The following MARCHF4 variants were observed in gnomAD, a reference collection of about 807,000 sequenced individuals.
The protein encoded by MARCHF4 is E3 ubiquitin-protein ligase MARCHF4.
A neutral mutation model predicts 43.9 loss-of-function variants in MARCHF4; 14 were observed. The ratio of observed to expected loss-of-function variants is 0.32; its 90% confidence interval spans 0.21 to 0.50. MARCHF4 has a LOEUF of 0.50. Among genes scored for constraint, MARCHF4 ranks in the 20% least tolerant of loss-of-function variants. The pLI, the probability that MARCHF4 is intolerant of heterozygous loss-of-function variation, is 0.98. For missense variants in MARCHF4, 468 were observed against 536.7 expected (o/e 0.87, Z 1.27); for synonymous variants, 226 against 213.3 (o/e 1.06, Z -0.52).
chr2:216,335,321 A>C (rs1692140716), intron 1 of MARCHF4, among the ~76,000 whole-genome samples: 1 of 152,216 alleles, frequency 6.6e-6, no homozygotes, highest in African/African-American at 2.4e-5. Flanking sequence ...AGAAAGCCCC[A>C]AATGACTAAA....
At chr2:216,308,386 A>G (rs1041058861) in intron 1 of MARCHF4, among the ~76,000 whole-genome samples, 1 of 152,246 alleles carries the variant, frequency 6.6e-6, no homozygotes, top group African/African-American at 2.4e-5. Context: ...CCTGGGCAAC[A>G]GAGCCAGACC....
intron 3 of MARCHF4, among the ~76,000 whole-genome samples, chr2:216,268,083 C>T (rs984179705): frequency 2.6e-5 from 4 of 152,190 alleles, no homozygotes; most frequent in African/African-American, 9.7e-5. Context: ...ACAGCTGCTG[C>T]TTCTCATGTC....
At chr2:216,262,559 TG>T (rs1480685953) in intron 3 of MARCHF4, among the ~76,000 whole-genome samples, 1 of 152,010 alleles carries the variant, frequency 6.6e-6, no homozygotes, top group Non-Finnish European at 1.5e-5. Context: ...AGTCAGTGAA[TG>T]GGGGGTGATG....
At chr2:216,318,535 T>C (rs1691821550) in intron 1 of MARCHF4, among the ~76,000 whole-genome samples, 1 of 152,054 alleles carries the variant, frequency 6.6e-6, no homozygotes, top group African/African-American at 2.4e-5. Flanking sequence ...GGGAAAGCCT[T>C]AGGTGATGAA....
chr2:216,292,030 C>T (rs970780650), intron 1 of MARCHF4, among the ~76,000 whole-genome samples: 1 of 152,208 alleles, frequency 6.6e-6, no homozygotes, highest in African/African-American at 2.4e-5. Context: ...AAGAGATGCC[C>T]TTGCTGGCTC....
At chr2:216,366,216 A>G (rs1306655050) in intron 1 of MARCHF4, among the ~76,000 whole-genome samples, 2 of 152,220 alleles carry the variant, frequency 1.3e-5, no homozygotes, top group African/African-American at 4.8e-5. Context: ...CAAATGAGGA[A>G]TCCAAGACAC....
At chr2:216,369,067 G>A (rs754254073) in intron 1 of MARCHF4, among the ~76,000 whole-genome samples, 22 of 152,132 alleles carry the variant, frequency 1.4e-4, no homozygotes, top group African/African-American at 5.1e-4. Flanking sequence ...TATTGCCTAC[G>A]TCAGTCTCTT....
intron 1 of MARCHF4, among the ~76,000 whole-genome samples, chr2:216,365,119 G>A (rs796930213): frequency 3.9e-5 from 6 of 152,270 alleles, no homozygotes; most frequent in African/African-American, 1.4e-4. Flanking sequence ...CACCATTTAA[G>A]TCTCTTCTAA....
intron 1 of MARCHF4, among the ~76,000 whole-genome samples, chr2:216,302,244 A>C (rs1214670108): frequency 2.0e-5 from 3 of 152,012 alleles, no homozygotes; most frequent in Non-Finnish European, 2.9e-5. Flanking sequence ...TTTGAGACGG[A>C]GTCTCGCTCT....
At chr2:216,285,730 G>A (rs1240182998) in intron 1 of MARCHF4, among the ~76,000 whole-genome samples, 1 of 152,176 alleles carries the variant, frequency 6.6e-6, no homozygotes, top group Non-Finnish European at 1.5e-5. Flanking sequence ...ACTCTGAAAA[G>A]GAAACAGGAG....
chr2:216,360,071 A>T lies in MARCHF4; in HGVS notation c.516+9674T>A, dbSNP rs112961787. Among the ~76,000 whole-genome samples, 121 of 152,176 alleles carry T rather than the reference A, an allele frequency of 8.0e-4. 1 individual carries two copies. The highest frequency in any genetic ancestry group is 2.8e-3 in the African/African-American group (118 of 41,518). On this transcript the variant is annotated intron_variant, in intron 1 of 3. Coordinates refer to ENST00000273067, the MANE Select transcript of MARCHF4 (RefSeq NM_020814.3). ...GTAATCACCTACTTTGGAATTCTCA[A>T]AGTCAGAGATTGAAAATGCAGATCC... is the stretch of plus-strand genomic sequence containing the variant.
intron 1 of MARCHF4, among the ~76,000 whole-genome samples, chr2:216,368,578 G>GC (rs1195687137): frequency 6.6e-6 from 1 of 152,214 alleles, no homozygotes; most frequent in Non-Finnish European, 1.5e-5. Flanking sequence ...AGCTAAGCCT[G>GC]CATCTTACAG....
At chr2:216,367,004 C>T (rs1692676342) in intron 1 of MARCHF4, among the ~76,000 whole-genome samples, 1 of 152,192 alleles carries the variant, frequency 6.6e-6, no homozygotes, top group Non-Finnish European at 1.5e-5. Flanking sequence ...GTGAAACTAG[C>T]TGGATTCTCT....
intron 1 of MARCHF4, among the ~76,000 whole-genome samples, chr2:216,335,429 A>G (rs1371526911): frequency 6.6e-6 from 1 of 152,254 alleles, no homozygotes; most frequent in African/African-American, 2.4e-5. Flanking sequence ...ATGGCTAGAA[A>G]TGCATTGAGG....
At chr2:216,271,015 C>A (rs1273744629) in intron 3 of MARCHF4, among the ~76,000 whole-genome samples, 1 of 152,248 alleles carries the variant, frequency 6.6e-6, no homozygotes. Context: ...AAATGCACAT[C>A]TGTTCATATT....
chr2:216,281,485 C>G (rs750256022), intron 2 of MARCHF4, among the ~76,000 whole-genome samples: 4 of 152,236 alleles, frequency 2.6e-5, no homozygotes, highest in East Asian at 1.9e-4. Context: ...GCTCCGCCCA[C>G]TTGTGGTGGG....
At chr2:216,267,575 AT>A (rs1450395052) in intron 3 of MARCHF4, among the ~76,000 whole-genome samples, 2 of 152,224 alleles carry the variant, frequency 1.3e-5, no homozygotes, top group South Asian at 2.1e-4. Context: ...ATAGGGGCTT[AT>A]TTTTTTCTAT....
chr2:216,322,009 T>C (rs1691903757), intron 1 of MARCHF4, among the ~76,000 whole-genome samples: 1 of 152,148 alleles, frequency 6.6e-6, no homozygotes, highest in Non-Finnish European at 1.5e-5. Context: ...AGACCTTTGT[T>C]TTACAAGTTG....
intron 1 of MARCHF4, among the ~76,000 whole-genome samples, chr2:216,309,746 G>T (rs981333910): frequency 2.6e-5 from 4 of 152,188 alleles, no homozygotes; most frequent in African/African-American, 9.6e-5. Context: ...CAGACCAAGG[G>T]ATGAAAATAG....
Sources: gnomAD v4.1 joint callset for allele counts (sites outside exome capture counted in the v4.1 genomes callset) on GRCh38, gnomAD v4.1.1 for gene constraint, MANE v1.5 for transcripts, NCBI Gene and HGNC (gene_info 2026-07-23, HGNC 2026-07-21) for gene names.